INTS9: variants seen among roughly 807,000 people sequenced by gnomAD.
The protein encoded by INTS9 is integrator complex subunit 9, also known as protein related to CPSF subunits of 74 kDa.
INTS9 carries 55 observed loss-of-function variants against 79.7 expected under a neutral mutation model. The ratio of observed to expected loss-of-function variants is 0.69; its 90% CI spans 0.56 to 0.86. The LOEUF is 0.86. Among genes scored for constraint, INTS9 ranks in the 40% least tolerant of loss-of-function variants. The pLI, the probability that INTS9 is intolerant of heterozygous loss-of-function variation, is 0.00. For missense variants in INTS9, 721 were observed against 831.5 expected (o/e 0.87, Z 1.64); for synonymous variants, 319 against 325.2 (o/e 0.98, Z 0.20).
In INTS9 at chr8:28,824,164, T is replaced by C. The variant is rs78017370; in HGVS notation, c.489-10552A>G. On this transcript the variant is annotated intron_variant, in intron 6 of 16. Coordinates refer to ENST00000521022, the MANE Select transcript of INTS9 (RefSeq NM_018250.4). ...GTGCTTAAGTCTAAGAAAAATTTAA[T>C]AGTACAGGGCAACAGGATGCCAAAA... Among the ~76,000 whole-genome samples, 514 of 152,322 alleles carry C rather than the reference T, an allele frequency of 3.4e-3. 2 individuals carry two copies. The highest frequency in any genetic ancestry group is 0.012 in the African/African-American group (488 of 41,568).
chr8:28,829,179 CA>C lies in INTS9; in HGVS notation c.488+6112del, dbSNP rs984636750. Among the ~76,000 whole-genome samples the C allele has an allele frequency of 1.8e-3, 277 of 152,084 alleles. 1 individual carries two copies. Among genetic ancestry groups the C allele is most frequent in the African/African-American group, 6.4e-3 (265 of 41,496 alleles). ...CCTTATAAAAAATATTAGTTTTATA[CA>C]AAAAAAGTACTAGAGGTGGGGTTAC... is the stretch of plus-strand genomic sequence containing the variant. On this transcript the variant is annotated intron_variant, in intron 6 of 16. Coordinates refer to ENST00000521022, the MANE Select transcript of INTS9 (RefSeq NM_018250.4).
At chr8:28,880,184 T>C (rs1374887168) in intron 1 of INTS9, among the ~76,000 whole-genome samples, 2 of 152,216 alleles carry the variant, frequency 1.3e-5, no homozygotes, top group Admixed American at 6.5e-5. Flanking sequence ...TATCTCATTA[T>C]GCTTGCCTTT....
At chr8:28,771,225 G>C (rs1802521047) in intron 14 of INTS9, 145 bp from the exon 15 acceptor site, 2 of 697,874 alleles carry the variant, frequency 2.9e-6, no homozygotes, top group African/African-American at 1.8e-5. Flanking sequence ...ATGGAGTCTT[G>C]CTCTGTCGCC....
At chr8:28,780,051 A>AT (rs375142816) in intron 12 of INTS9, among the ~76,000 whole-genome samples, 66,281 of 138,704 alleles carry the variant, frequency 0.48, 17,977 homozygotes, top group Non-Finnish European at 0.59. Flanking sequence ...TTTCAAATCA[A>AT]GGTTTTTTTT....
rs149094784 is a variant in INTS9, at chr8:28,804,650, G to A, written c.744+7677C>T. Reference sequence around the variant, plus strand: ...AGGGTCCCTGAGGGTCAAGCAAGAAGAGCTCACAGGGAATCAAACAAGAAC... The same window carrying A: ...AGGGTCCCTGAGGGTCAAGCAAGAAAAGCTCACAGGGAATCAAACAAGAAC... On this transcript the variant is annotated intron_variant, in intron 8 of 16. Transcript: ENST00000521022. Among the ~76,000 whole-genome samples the A allele has an allele frequency of 1.8e-4, 28 of 152,284 alleles. No homozygotes were observed. In the East Asian group the frequency reaches 5.2e-3, roughly 28 times the overall value.
Position 28,777,873 on chromosome 8 carries a change from G to A in INTS9, c.1351C>T (p.Arg451Trp), listed in dbSNP as rs751890112. The A allele has an allele frequency of 1.6e-5, 25 of 1,612,358 alleles. No homozygotes were observed. The highest frequency in any genetic ancestry group is 3.3e-5 in the Admixed American group (2 of 59,800). Reference protein sequence around the residue: ...MKCIYCPIDTRLNFIQVSKLL... With the variant: ...MKCIYCPIDTWLNFIQVSKLL... The stretch of plus-strand genomic sequence containing the variant: ...TTTGACACCTGGATGAAGTTCAGCC[G>A]GGTGTCGATGGGGCAGTAGATGCAT... Residue 451 changes from arginine (R) to tryptophan (W), a missense_variant, in exon 13 of 17, where the codon CGG becomes TGG. Transcript: ENST00000521022.
At chr8:28,853,217 C>G (rs377744380) in intron 2 of INTS9, among the ~76,000 whole-genome samples, 1 of 151,914 alleles carries the variant, frequency 6.6e-6, no homozygotes, top group African/African-American at 2.4e-5. Context: ...GGTTCGAGAC[C>G]AGCCTGGCCA....
chr8:28,886,234 A>T (rs1451450696), intron 1 of INTS9, among the ~76,000 whole-genome samples: 2 of 152,052 alleles, frequency 1.3e-5, no homozygotes, highest in Non-Finnish European at 2.9e-5. Flanking sequence ...TTAACCAATA[A>T]CCTTAAAAAC....
chr8:28,875,294 A>G (rs923005293), intron 1 of INTS9, among the ~76,000 whole-genome samples: 1 of 152,176 alleles, frequency 6.6e-6, no homozygotes, highest in African/African-American at 2.4e-5. Flanking sequence ...CAAAGCAAAA[A>G]AAATACATAA....
rs1208904545 is a variant in INTS9 at position 28,859,291 on chromosome 8, A to C, written c.137+145T>G. 3.4e-6 allele frequency: 3 copies of C among 891,318 alleles called. No individual in the cohort carries two copies. The African/African-American group carries it at 5.1e-5, about 15-fold the overall frequency. 55.2% of individuals were successfully genotyped at this position (891,318 alleles called of 1,614,324 possible). On this transcript the variant is annotated intron_variant, in intron 2 of 16. Coordinates refer to ENST00000521022, the MANE Select transcript of INTS9 (RefSeq NM_018250.4). ...AGAACACTTTCCATCAGCTCAGCCA[A>C]AGGAAATTATTTTGATAAAGAACAT...
At chr8:28,843,674 G>A (rs749434748) in intron 4 of INTS9, among the ~76,000 whole-genome samples, 2 of 151,752 alleles carry the variant, frequency 1.3e-5, no homozygotes, top group Non-Finnish European at 2.9e-5. Flanking sequence ...GCCTGCTGGT[G>A]TAGCTACAGT....
Position 28,780,796 on chromosome 8 carries a change from A to G in INTS9, c.1270+27T>C, listed in dbSNP as rs57302168. 6,344 of 1,611,344 alleles carry G rather than the reference A, an allele frequency of 3.9e-3. 207 individuals are homozygous for G. The African/African-American group carries it at 0.073, about 19-fold the overall frequency. ...CTCATGGCCTCAGTGGAGAGAACCA[A>G]TTTGTTTCTTTATTTTTTTCACTTA... On this transcript the variant is annotated intron_variant, in intron 12 of 16. Transcript: ENST00000521022.
intron 8 of INTS9, among the ~76,000 whole-genome samples, chr8:28,800,568 CAG>C (rs1477568844): frequency 1.3e-5 from 2 of 152,164 alleles, no homozygotes; most frequent in East Asian, 1.9e-4. Flanking sequence ...ATCAAACAGA[CAG>C]AGAACATTTT....
intron 1 of INTS9, among the ~76,000 whole-genome samples, chr8:28,869,987 G>A (rs1456205592): frequency 6.6e-6 from 1 of 151,958 alleles, no homozygotes. Context: ...CAAGAGAAGC[G>A]CAGGAAGGGT....
rs1246497177 is a variant in INTS9, at chr8:28,812,473, C to T, written c.610-12G>A. The T allele has an allele frequency of 1.2e-6, 2 of 1,612,394 alleles. No homozygotes were observed. Among genetic ancestry groups the T allele is most frequent in the Admixed American group, 3.4e-5 (2 of 59,598 alleles). On this transcript the variant is annotated splice_polypyrimidine_tract_variant and intron_variant, in intron 7 of 16. Transcript: ENST00000521022. ...GCACCAAAAAGCTCCTAAAAGAGAACCACAGTAAGAATGTGCAATGAGCTT... is the reference window on the plus strand; with the variant it reads ...GCACCAAAAAGCTCCTAAAAGAGAATCACAGTAAGAATGTGCAATGAGCTT...
At chr8:28,870,319 A>AT (rs11391131) in intron 1 of INTS9, among the ~76,000 whole-genome samples, 71,626 of 112,948 alleles carry the variant, frequency 0.63, 21,428 homozygotes, top group Non-Finnish European at 0.7. Context: ...AACATTAACC[A>AT]TTTTTTTTTT....
At chr8:28,887,481 TTG>T (rs549039296) in intron 1 of INTS9, among the ~76,000 whole-genome samples, 1 of 152,182 alleles carries the variant, frequency 6.6e-6, no homozygotes, top group Non-Finnish European at 1.5e-5. Flanking sequence ...TGGTCATAGA[TTG>T]TGTGTGGGAA....
intron 1 of INTS9, among the ~76,000 whole-genome samples, chr8:28,879,441 A>C (rs1236689086): frequency 6.6e-6 from 1 of 152,204 alleles, no homozygotes; most frequent in Non-Finnish European, 1.5e-5. Context: ...GCATCTATGA[A>C]AAACGTACAG....
In INTS9 at chr8:28,850,126, G is replaced by GTCACACTACTA. The variant is rs1216874979; in HGVS notation, c.198+76_198+86dup. 6 of 971,918 alleles carry GTCACACTACTA rather than the reference G, an allele frequency of 6.2e-6. No individual in the cohort carries two copies. In the African/African-American group the frequency reaches 1.0e-4, roughly 16 times the overall value. The allele number at this position is 971,918 out of a possible 1,614,324, so 60.2% of individuals were successfully genotyped here. The stretch of plus-strand genomic sequence containing the variant: ...AGAGGAAAAAAAAAAAAAGCCATCA[G>GTCACACTACTA]TCACACTACTACAGGGTGGCTCTGG... On this transcript the variant is annotated intron_variant, in intron 3 of 16. Transcript: ENST00000521022.
Sources: gnomAD v4.1 joint callset for allele counts (sites outside exome capture counted in the v4.1 genomes callset) on GRCh38, gnomAD v4.1.1 for gene constraint, MANE v1.5 for transcripts, NCBI Gene and HGNC (gene_info 2026-07-23, HGNC 2026-07-21) for gene names.